The following DPP10 variants were observed in gnomAD, a reference collection of about 807,000 sequenced individuals.
DPP10 encodes the protein inactive dipeptidyl peptidase 10.
In DPP10, 33 loss-of-function variants were observed where a neutral mutation model predicts 120.9. The ratio of observed to expected loss-of-function variants is 0.27; its 90% CI spans 0.21 to 0.37. DPP10 has a LOEUF of 0.37. DPP10 is among the 10% of genes least tolerant of loss of function. DPP10 has a pLI of 1.00. For synonymous variants in DPP10, 337 were observed against 326.1 expected, an observed-to-expected ratio of 1.03 and a Z score of -0.36; for missense variants, 816 against 942.8, an observed-to-expected ratio of 0.87 and a Z score of 1.76.
intron 3 of DPP10, among the ~76,000 whole-genome samples, chr2:115,438,593 T>C (rs1447737463): frequency 6.6e-6 from 1 of 152,208 alleles, no homozygotes; most frequent in Non-Finnish European, 1.5e-5. Flanking sequence ...ACACATGCTA[T>C]CCCATAGATG....
chr2:114,709,902 G>A (rs1460803210), intron 1 of DPP10, among the ~76,000 whole-genome samples: 1 of 152,182 alleles, frequency 6.6e-6, no homozygotes, highest in African/African-American at 2.4e-5. Flanking sequence ...ATTGAGTAGA[G>A]AATGAGATTA....
chr2:114,923,748 GAGC>G (rs1558883810), intron 1 of DPP10, among the ~76,000 whole-genome samples: 12 of 151,486 alleles, frequency 7.9e-5, no homozygotes, highest in African/African-American at 2.2e-4. Flanking sequence ...TTACAGGCGT[GAGC>G]CACCGCACCT....
intron 3 of DPP10, among the ~76,000 whole-genome samples, chr2:115,464,685 A>C (rs571786508): frequency 6.6e-6 from 1 of 152,286 alleles, no homozygotes; most frequent in South Asian, 2.1e-4. Context: ...ACCAGGGCAG[A>C]GGGCTTGGAG....
intron 2 of DPP10, among the ~76,000 whole-genome samples, chr2:115,325,905 A>T (rs2106132675): frequency 6.6e-6 from 1 of 152,266 alleles, no homozygotes; most frequent in Non-Finnish European, 1.5e-5. Flanking sequence ...AGTCAGAAAT[A>T]GAATATGTAT....
intron 1 of DPP10, among the ~76,000 whole-genome samples, chr2:114,832,255 C>T (rs562325902): frequency 2.0e-4 from 30 of 152,264 alleles, no homozygotes; most frequent in South Asian, 1.2e-3. Flanking sequence ...TGGCCCTGGC[C>T]GGGGGTGGTG....
chr2:115,240,083 A>C (rs1465712643), intron 1 of DPP10, among the ~76,000 whole-genome samples: 1 of 152,228 alleles, frequency 6.6e-6, no homozygotes, highest in Non-Finnish European at 1.5e-5. Context: ...GTGTCTTTAT[A>C]GTAGGATGAT....
intron 21 of DPP10, 37 bp downstream of exon 21, chr2:115,815,766 G>T (rs146280539): frequency 1.9e-6 from 3 of 1,555,626 alleles, no homozygotes; most frequent in East Asian, 2.3e-5. Flanking sequence ...CTTTTTATGC[G>T]TATCTATGTT....
At chr2:115,031,457 C>A (rs80233256) in intron 1 of DPP10, among the ~76,000 whole-genome samples, 7,676 of 152,200 alleles carry the variant, frequency 0.05, 279 homozygotes, top group East Asian at 0.16. Context: ...TTCCTCACCC[C>A]TGTTGACCTT....
At chr2:115,838,449 T>C (rs1689756251) in intron 24 of DPP10, among the ~76,000 whole-genome samples, 1 of 152,198 alleles carries the variant, frequency 6.6e-6, no homozygotes, top group South Asian at 2.1e-4. Flanking sequence ...TATTAGGAAA[T>C]GATATAACTT....
At chr2:114,894,279 G>T (rs1470776901) in intron 1 of DPP10, among the ~76,000 whole-genome samples, 1 of 152,122 alleles carries the variant, frequency 6.6e-6, no homozygotes, top group Non-Finnish European at 1.5e-5. Flanking sequence ...AGACTACAAG[G>T]TGCATTCGTA....
intron 21 of DPP10, among the ~76,000 whole-genome samples, chr2:115,817,364 A>G (rs1236462240): frequency 1.3e-5 from 2 of 152,236 alleles, no homozygotes; most frequent in African/African-American, 2.4e-5. Context: ...TCTACTATTC[A>G]TAAGTAACCT....
chr2:115,667,687 G>A (rs1348556785), intron 5 of DPP10, among the ~76,000 whole-genome samples: 1 of 151,922 alleles, frequency 6.6e-6, no homozygotes, highest in Non-Finnish European at 1.5e-5. Context: ...GTGTTCCATT[G>A]GTCTATGTGT....
chr2:115,141,938 T>C (rs2050951016), intron 1 of DPP10, among the ~76,000 whole-genome samples: 1 of 152,032 alleles, frequency 6.6e-6, no homozygotes, highest in Admixed American at 6.6e-5. Context: ...TATGCCTGCC[T>C]AATTTTTGTA....
At chr2:115,518,913 A>G (rs1186068258) in intron 4 of DPP10, among the ~76,000 whole-genome samples, 1 of 152,138 alleles carries the variant, frequency 6.6e-6, no homozygotes, top group Non-Finnish European at 1.5e-5. Context: ...AGCACCATTT[A>G]AAAATATATA....
intron 1 of DPP10, among the ~76,000 whole-genome samples, chr2:114,873,566 A>G (rs907408327): frequency 1.3e-5 from 2 of 152,148 alleles, no homozygotes; most frequent in Non-Finnish European, 2.9e-5. Flanking sequence ...TGGATGGAGC[A>G]GCTGTCATGG....
At chr2:115,612,896 G>C (rs542310929) in intron 5 of DPP10, among the ~76,000 whole-genome samples, 1 of 150,760 alleles carries the variant, frequency 6.6e-6, no homozygotes, top group African/African-American at 2.4e-5. Context: ...TTTCAATCAC[G>C]ATAAAGTCAT....
chr2:114,818,729 T>C lies in DPP10; in HGVS notation c.60+375891T>C, dbSNP rs78117893. ...TAGATGACATCTGCTGGAATGAATA[T>C]GGTCTAGATGCTGCTCCATCTCCTT... On this transcript the variant is annotated intron_variant, in intron 1 of 25. Transcript: ENST00000410059. Among the ~76,000 whole-genome samples, 922 of 152,270 alleles carry C rather than the reference T, an allele frequency of 6.1e-3. 16 individuals carry two copies. The highest frequency in any genetic ancestry group is 0.021 in the African/African-American group (885 of 41,546).
rs560024610 is a variant in DPP10, at chr2:115,017,221, A to T, written c.61-292018A>T. On this transcript the variant is annotated intron_variant, in intron 1 of 25. Coordinates refer to ENST00000410059, the MANE Select transcript of DPP10 (RefSeq NM_020868.6). The stretch of plus-strand genomic sequence containing the variant: ...TTCAAGTATAATAATAATAAAATTT[A>T]AAAAAATTAAAAAAAAAGAAAGAAA... Among the ~76,000 whole-genome samples, 84 of 151,940 alleles carry T rather than the reference A, an allele frequency of 5.5e-4. 2 individuals are homozygous for T. Among genetic ancestry groups the T allele is most frequent in the Admixed American group, 1.3e-3 (20 of 15,268 alleles).
intron 1 of DPP10, among the ~76,000 whole-genome samples, chr2:114,619,347 C>G (rs1693909049): frequency 6.6e-6 from 1 of 151,108 alleles, no homozygotes; most frequent in Admixed American, 6.6e-5. Flanking sequence ...TTTAAAGAAC[C>G]TAAATATCTA....
Sources: gnomAD v4.1 joint callset for allele counts (sites outside exome capture counted in the v4.1 genomes callset) on GRCh38, gnomAD v4.1.1 for gene constraint, MANE v1.5 for transcripts, NCBI Gene and HGNC (gene_info 2026-07-23, HGNC 2026-07-21) for gene names.